Variants in EMX1 observed in about 807,000 individuals in gnomAD.
EMX1 encodes the protein empty spiracles homeobox 1.
A neutral mutation model predicts 20.1 loss-of-function variants in EMX1; 10 were observed. The observed-to-expected ratio is 0.50, with a 90% CI of 0.31 to 0.84. The LOEUF is 0.84. EMX1 is among the 40% of genes least tolerant of loss of function. EMX1 has a pLI of 0.05. For missense variants in EMX1, 424 were observed against 431.9 expected (o/e 0.98, Z 0.16); for synonymous variants, 250 against 200.4 (o/e 1.25, Z -2.09).
In EMX1 at chr2:72,931,313, G is replaced by A. The variant is rs1258512947; in HGVS notation, c.706-2474G>A. 4.6e-5 allele frequency among the ~76,000 whole-genome samples: 7 copies of A among 152,356 alleles called. No homozygotes were observed. The South Asian group carries it at 6.2e-4, about 14-fold the overall frequency. On this transcript the variant is annotated intron_variant, in intron 2 of 2. Coordinates refer to ENST00000258106, the MANE Select transcript of EMX1 (RefSeq NM_004097.3). Reference sequence around the variant, plus strand: ...CGTCCCACTACAGGCCAATGTGACCGTCAGTCTCCTTCCTGAAGGACACTT... The same window carrying A: ...CGTCCCACTACAGGCCAATGTGACCATCAGTCTCCTTCCTGAAGGACACTT...
Position 72,918,204 on chromosome 2 carries a change from G to C in EMX1, c.352G>C (p.Val118Leu). The stretch of plus-strand genomic sequence containing the variant: ...CTCGCTCTACGGTGGGCCCGAGCTC[G>C]TGTTCCCCGAGGCCATGAACCACCC... ...GRSLYGGPEL[V>L]FPEAMNHPAL... The change falls in exon 1 of 3, where the codon GTG becomes CTG. Residue 118 changes from valine (V) to leucine (L), a missense_variant. Val to Leu is a conservative substitution (Grantham distance 32, BLOSUM62 1). Transcript: ENST00000258106. The C allele has an allele frequency of 6.4e-7, 1 of 1,560,550 alleles. No homozygotes were observed. The highest frequency in any genetic ancestry group is 8.6e-7 in the Non-Finnish European group (1 of 1,165,622).
At chr2:72,918,422 G>A in intron 1 of EMX1, 50 bp downstream of exon 1, 1 of 1,354,884 alleles carries the variant, frequency 7.4e-7, no homozygotes, top group African/African-American at 1.5e-5. Context: ...CGCCCGTGCT[G>A]CGGCGATGCG....
chr2:72,924,777 G>A (rs530222029), intron 2 of EMX1, among the ~76,000 whole-genome samples: 1 of 152,328 alleles, frequency 6.6e-6, no homozygotes, highest in South Asian at 2.1e-4. Flanking sequence ...GCTCCTCACG[G>A]GGGGACCAGG....
upstream of EMX1, chr2:72,916,690 T>A (rs1449406269): frequency 5.6e-6 from 4 of 716,944 alleles, no homozygotes; most frequent in Non-Finnish European, 1.0e-5. Context: ...TGAGATGGGC[T>A]CGGGCTACTT....
chr2:72,918,173 G>T lies in EMX1; in HGVS notation c.321G>T (p.Ala107=). ...SGFPAAAAAG[A]GRSLYGGPEL... ...TCCCTGCCGCGGCCGCCGCGGGCGC[G>T]GGCCGCTCGCTCTACGGTGGGCCCG... The change falls in exon 1 of 3, where the codon GCG becomes GCT. Residue 107 remains alanine, a synonymous_variant. Coordinates refer to ENST00000258106, the MANE Select transcript of EMX1 (RefSeq NM_004097.3). 1 of 1,517,022 alleles carries T rather than the reference G, an allele frequency of 6.6e-7. No individual in the cohort carries two copies. Among genetic ancestry groups the T allele is most frequent in the Non-Finnish European group, 8.7e-7 (1 of 1,147,672 alleles). The allele number at this position is 1,517,022 out of a possible 1,614,324, so 94.0% of individuals were successfully genotyped here. A position where few individuals can be genotyped will look rare whatever the true frequency, so the allele number is the denominator to read the frequency against.
chr2:72,933,717 GT>G, intron 2 of EMX1, 69 bp from the exon 3 acceptor site: 1 of 1,577,390 alleles, frequency 6.3e-7, no homozygotes, highest in Non-Finnish European at 8.6e-7. Flanking sequence ...CAGCCTGAGT[GT>G]TGAGGCCCCA....
intron 1 of EMX1, among the ~76,000 whole-genome samples, chr2:72,918,764 C>T (rs564704917): frequency 6.6e-6 from 1 of 152,236 alleles, no homozygotes; most frequent in African/African-American, 2.4e-5. Context: ...ACGCTTCTCT[C>T]GCAAGTCCAC....
chr2:72,917,775 C>G lies in EMX1; in HGVS notation c.-78C>G. On this transcript the variant is annotated 5_prime_UTR_variant, in exon 1 of 3. Coordinates refer to ENST00000258106, the MANE Select transcript of EMX1 (RefSeq NM_004097.3). ...GGTCGCTCGCTCACACACCCCTCGCCGCTCCGCGCCTGGCTCGCCCGCGGG... is the reference window on the plus strand; with the variant it reads ...GGTCGCTCGCTCACACACCCCTCGCGGCTCCGCGCCTGGCTCGCCCGCGGG... The G allele has an allele frequency of 8.1e-7, 1 of 1,227,432 alleles. No homozygotes were observed. Among genetic ancestry groups the G allele is most frequent in the Non-Finnish European group, 1.0e-6 (1 of 980,480 alleles). The allele number at this position is 1,227,432 out of a possible 1,614,324, so 76.0% of individuals were successfully genotyped here.
At chr2:72,931,957 A>T (rs974193525) in intron 2 of EMX1, among the ~76,000 whole-genome samples, 1 of 152,174 alleles carries the variant, frequency 6.6e-6, no homozygotes, top group Admixed American at 6.5e-5. Flanking sequence ...ACTGCCTGGG[A>T]AGGGTGTAGG....
At chr2:72,929,936 G>A (rs1375112977) in intron 2 of EMX1, among the ~76,000 whole-genome samples, 1 of 152,110 alleles carries the variant, frequency 6.6e-6, no homozygotes, top group African/African-American at 2.4e-5. Context: ...CCAGCAGTAG[G>A]TGTCCCTCCT....
Position 72,918,226 on chromosome 2 carries a change from AC to A in EMX1, c.378del (p.Ala127ArgfsTer2). ...PELVFPEAMN[H>X]PALTVHPAHQ... ...CTCGTGTTCCCCGAGGCCATGAACC[AC>A]CCCGCGCTGACCGTGCATCCGGCGC... On this transcript the variant is annotated frameshift_variant, in exon 1 of 3. Coordinates refer to ENST00000258106, the MANE Select transcript of EMX1 (RefSeq NM_004097.3). LOFTEE classifies it high-confidence loss of function. 6.3e-7 allele frequency: 1 copy of A among 1,578,998 alleles called. No homozygotes were observed. Among genetic ancestry groups the A allele is most frequent in the Admixed American group, 1.7e-5 (1 of 57,606 alleles).
At chr2:72,917,124 G>C (rs1345256303), upstream of EMX1, 3 of 615,984 alleles carry the variant, frequency 4.9e-6, no homozygotes, top group Admixed American at 5.8e-5. Context: ...GAAAACCAAT[G>C]TGTTGGACCC....
intron 1 of EMX1, among the ~76,000 whole-genome samples, chr2:72,922,398 C>T (rs1011501595): frequency 6.6e-6 from 1 of 152,228 alleles, no homozygotes; most frequent in African/African-American, 2.4e-5. Flanking sequence ...CAGACCACCT[C>T]CCCTGACCAT....
Position 72,918,231 on chromosome 2 carries a change from G to T in EMX1, c.379G>T (p.Ala127Ser), listed in dbSNP as rs763958491. 3 of 1,580,850 alleles carry T rather than the reference G, an allele frequency of 1.9e-6. No individual in the cohort carries two copies. The highest frequency in any genetic ancestry group is 2.2e-5 in the South Asian group (2 of 89,058). ...GTTCCCCGAGGCCATGAACCACCCC[G>T]CGCTGACCGTGCATCCGGCGCACCA... is the stretch of plus-strand genomic sequence containing the variant. Reference protein sequence around the residue: ...LVFPEAMNHPALTVHPAHQLG... With the variant: ...LVFPEAMNHPSLTVHPAHQLG... The change falls in exon 1 of 3, where the codon GCG becomes TCG. Residue 127 changes from alanine (A) to serine (S), a missense_variant. Physicochemically the swap from Ala to Ser is moderately conservative, Grantham distance 99 (BLOSUM62 1). This residue lies in a region of EMX1 where 333 missense variants were observed against 296.6 expected (regional missense o/e 1.12). Coordinates refer to ENST00000258106, the MANE Select transcript of EMX1 (RefSeq NM_004097.3).
chr2:72,925,484 T>G (rs1410593575), intron 2 of EMX1: 1 of 1,288,968 alleles, frequency 7.8e-7, no homozygotes, highest in African/African-American at 1.5e-5. Context: ...GCCTAGCTGC[T>G]GCCCTGGAGG....
At chr2:72,928,609 C>A (rs962153930) in intron 2 of EMX1, among the ~76,000 whole-genome samples, 2 of 152,222 alleles carry the variant, frequency 1.3e-5, no homozygotes, top group Non-Finnish European at 2.9e-5. Flanking sequence ...CTGCTCTGAA[C>A]AGATCAGCAG....
intron 2 of EMX1, chr2:72,926,403 C>A: frequency 1.5e-6 from 1 of 662,184 alleles, no homozygotes; most frequent in Non-Finnish European, 1.9e-6. Flanking sequence ...ACTATCAAAA[C>A]TCAGGGCTAA....
At chr2:72,924,762 C>T (rs529152725) in intron 2 of EMX1, among the ~76,000 whole-genome samples, 144 of 152,346 alleles carry the variant, frequency 9.5e-4, no homozygotes, top group Non-Finnish European at 1.5e-3. Context: ...AGCCCGGCTC[C>T]CAAAGCTCCT....
chr2:72,924,026 C>G (rs1671148109), intron 1 of EMX1: 1 of 563,048 alleles, frequency 1.8e-6, no homozygotes, highest in Non-Finnish European at 3.2e-6. Context: ...GTCCGGCCTG[C>G]CCCATCTCTT....
Sources: allele counts gnomAD v4.1 joint callset (sites outside exome capture counted in the v4.1 genomes callset), GRCh38; gene constraint gnomAD v4.1.1; regional missense constraint gnomAD v4.1.1; transcripts MANE v1.5; gene names NCBI Gene and HGNC (gene_info 2026-07-23, HGNC 2026-07-21).